The following PRKAR2B variants were observed in gnomAD, a reference collection of about 807,000 sequenced individuals.
PRKAR2B encodes cAMP-dependent protein kinase type II-beta regulatory subunit.
A neutral mutation model predicts 49.9 loss-of-function variants in PRKAR2B; 14 were observed. The ratio of observed to expected loss-of-function variants is 0.28; its 90% confidence interval spans 0.19 to 0.44. The LOEUF is 0.44. Among genes scored for constraint, PRKAR2B ranks in the 20% least tolerant of loss-of-function variants. The probability of loss-of-function intolerance (pLI) is 1.00; values close to 1 mark genes in which losing one functional copy is unlikely to be tolerated. For missense variants in PRKAR2B, 393 were observed against 537.9 expected (o/e 0.73, Z 2.67); for synonymous variants, 196 against 197.7 (o/e 0.99, Z 0.07).
At chr7:107,104,274 G>A (rs150420180) in intron 2 of PRKAR2B, among the ~76,000 whole-genome samples, 22 of 152,226 alleles carry the variant, frequency 1.4e-4, no homozygotes, top group African/African-American at 4.8e-4. Context: ...AGCTCAGGCA[G>A]TTCACCTGCC....
At chr7:107,137,968 AACCTGTGTTTT>A (rs760262607) in intron 4 of PRKAR2B, among the ~76,000 whole-genome samples, 7 of 151,812 alleles carry the variant, frequency 4.6e-5, no homozygotes, top group Non-Finnish European at 7.4e-5. Context: ...TTGGTCTGAA[AACCTGTGTTTT>A]CAGACCAAAA....
intron 6 of PRKAR2B, among the ~76,000 whole-genome samples, chr7:107,150,366 A>T (rs181696513): frequency 9.2e-5 from 14 of 152,052 alleles, no homozygotes; most frequent in South Asian, 8.3e-4. Context: ...TTAAATAAAA[A>T]TTTTTTTTAT....
At chr7:107,086,357 T>C (rs1013815300) in intron 2 of PRKAR2B, among the ~76,000 whole-genome samples, 11 of 152,182 alleles carry the variant, frequency 7.2e-5, no homozygotes, top group African/African-American at 2.4e-4. Context: ...TATGGTTAAT[T>C]AATGAGATAA....
intron 3 of PRKAR2B, 81 bp from the exon 4 acceptor site, chr7:107,128,131 A>G: frequency 1.1e-6 from 1 of 925,124 alleles, no homozygotes; most frequent in Non-Finnish European, 1.7e-6. Flanking sequence ...GTTGGTTCTG[A>G]TTTTTGTTAG....
At chr7:107,121,883 A>C in intron 2 of PRKAR2B, 69 bp from the exon 3 acceptor site, 1 of 908,582 alleles carries the variant, frequency 1.1e-6, no homozygotes, top group Non-Finnish European at 1.7e-6. Context: ...ATTAAGTGTT[A>C]ACGATGTACT....
intron 6 of PRKAR2B, among the ~76,000 whole-genome samples, chr7:107,148,459 G>C (rs1795930850): frequency 6.6e-6 from 1 of 152,106 alleles, no homozygotes; most frequent in African/African-American, 2.4e-5. Flanking sequence ...TCCTAAGATA[G>C]GATTAAGCAT....
chr7:107,093,524 T>A (rs1424170065), intron 2 of PRKAR2B, among the ~76,000 whole-genome samples: 1 of 144,970 alleles, frequency 6.9e-6, no homozygotes, highest in Non-Finnish European at 1.5e-5. Flanking sequence ...TTTTTTTTTT[T>A]ATTATACTTT....
At chr7:107,053,746 T>C (rs1309361378) in intron 1 of PRKAR2B, among the ~76,000 whole-genome samples, 1 of 152,182 alleles carries the variant, frequency 6.6e-6, no homozygotes, top group East Asian at 1.9e-4. Flanking sequence ...AATTGTATAG[T>C]GGTAATGTTT....
At chr7:107,067,907 A>G (rs1794185957) in intron 1 of PRKAR2B, among the ~76,000 whole-genome samples, 1 of 152,212 alleles carries the variant, frequency 6.6e-6, no homozygotes, top group Non-Finnish European at 1.5e-5. Flanking sequence ...CTGTATTAGG[A>G]TTTAGGCCCA....
chr7:107,124,880 CAG>C (rs1239060533), intron 3 of PRKAR2B, among the ~76,000 whole-genome samples: 2 of 151,498 alleles, frequency 1.3e-5, no homozygotes, highest in Admixed American at 6.6e-5. Flanking sequence ...GCACTATTTT[CAG>C]AGAGTAAATA....
rs936387860 is a variant in PRKAR2B, at chr7:107,159,623, C to T, written c.*41C>T. Reference sequence around the variant, plus strand: ...CAAGACCTGTAGTGACAAAATTACACAGTAGTGGTTAGTCCACTGAGAATG... The same window carrying T: ...CAAGACCTGTAGTGACAAAATTACATAGTAGTGGTTAGTCCACTGAGAATG... On this transcript the variant is annotated 3_prime_UTR_variant, in exon 11 of 11. Transcript: ENST00000265717. The T allele has an allele frequency of 1.2e-6, 2 of 1,606,750 alleles. No homozygotes were observed. Among genetic ancestry groups the T allele is most frequent in the Middle Eastern group, 1.7e-4 (1 of 6,060 alleles).
At chr7:107,080,876 A>G (rs1251539004) in intron 2 of PRKAR2B, among the ~76,000 whole-genome samples, 2 of 152,194 alleles carry the variant, frequency 1.3e-5, no homozygotes, top group Non-Finnish European at 2.9e-5. Context: ...AGGCAGATAC[A>G]GTTTAGGATC....
At chr7:107,144,231 G>GGC (rs1231663002) in intron 5 of PRKAR2B, among the ~76,000 whole-genome samples, 1 of 151,856 alleles carries the variant, frequency 6.6e-6, no homozygotes, top group Non-Finnish European at 1.5e-5. Context: ...GATTACAGGT[G>GGC]ACTGCCACCA....
intron 1 of PRKAR2B, among the ~76,000 whole-genome samples, chr7:107,066,116 A>G (rs961929479): frequency 6.6e-6 from 1 of 152,184 alleles, no homozygotes; most frequent in Non-Finnish European, 1.5e-5. Flanking sequence ...TTGGGGAGAA[A>G]GTCAAACCTT....
At chr7:107,050,870 G>C (rs1793787503) in intron 1 of PRKAR2B, among the ~76,000 whole-genome samples, 1 of 152,004 alleles carries the variant, frequency 6.6e-6, no homozygotes, top group Admixed American at 6.6e-5. Flanking sequence ...GTTTTTGTTT[G>C]TTTTTTGGTA....
At chr7:107,065,322 A>ATGTGTGTGTG (rs71134248) in intron 1 of PRKAR2B, among the ~76,000 whole-genome samples, 72 of 143,912 alleles carry the variant, frequency 5.0e-4, no homozygotes, top group Middle Eastern at 3.5e-3. Flanking sequence ...GGGTGTGTGT[A>ATGTGTGTGTG]TGTGTGTGTG....
At chr7:107,117,315 C>T (rs1010302536) in intron 2 of PRKAR2B, among the ~76,000 whole-genome samples, 2 of 151,918 alleles carry the variant, frequency 1.3e-5, no homozygotes, top group Non-Finnish European at 2.9e-5. Flanking sequence ...ATTTAATACA[C>T]CTGTGCTTTT....
intron 1 of PRKAR2B, chr7:107,069,874 C>T (rs1794228877): frequency 1.3e-5 from 2 of 153,488 alleles, no homozygotes; most frequent in African/African-American, 4.8e-5. Context: ...TCATACATTG[C>T]TCTTTCCTTC....
intron 1 of PRKAR2B, among the ~76,000 whole-genome samples, chr7:107,050,332 G>GTT (rs1306925747): frequency 1.1e-5 from 1 of 94,932 alleles, no homozygotes; most frequent in African/African-American, 5.9e-5. Flanking sequence ...ACAGTTACCA[G>GTT]CTTTTTTTTT....
Sources: allele counts gnomAD v4.1 joint callset (sites outside exome capture counted in the v4.1 genomes callset), GRCh38; gene constraint gnomAD v4.1.1; transcripts MANE v1.5; gene names NCBI Gene and HGNC (gene_info 2026-07-23, HGNC 2026-07-21).